INPP5D: variants seen among roughly 807,000 people sequenced by gnomAD.
INPP5D encodes phosphatidylinositol 3,4,5-trisphosphate 5-phosphatase 1.
Under a neutral mutation model 122.9 loss-of-function variants are expected in INPP5D, and 33 were observed. That is an observed-to-expected ratio of 0.27 (90% CI 0.20 to 0.36). INPP5D has a LOEUF of 0.36. Ranked by LOEUF, INPP5D falls within the 10% of genes least tolerant of loss-of-function variation. INPP5D has a pLI of 1.00. For missense variants in INPP5D, 1,053 were observed against 1,412.7 expected (o/e 0.75, Z 4.08); for synonymous variants, 584 against 576.2 (o/e 1.01, Z -0.19).
Position 233,163,735 on chromosome 2 carries a change from G to A in INPP5D, c.1269G>A (p.Thr423=), listed in dbSNP as rs377021577. ...ACGCCCCCCCTCCCAAGAAGATCAC[G>A]TCCTGGTTTCTCTCCAAGGGGCAGG... The part of the protein sequence containing the change: ...MGNAPPPKKI[T]SWFLSKGQGK... The change falls in exon 12 of 27, where the codon ACG becomes ACA. Residue 423 remains threonine, a synonymous_variant. Transcript: ENST00000445964. The A allele has an allele frequency of 4.3e-6, 7 of 1,613,794 alleles. No homozygotes were observed. Among genetic ancestry groups the A allele is most frequent in the African/African-American group, 1.3e-5 (1 of 74,952 alleles).
At chr2:233,116,225 G>GTAGATAGATAGA (rs1553575234) in intron 2 of INPP5D, among the ~76,000 whole-genome samples, 6,613 of 133,540 alleles carry the variant, frequency 0.05, 249 homozygotes, top group African/African-American at 0.087. Flanking sequence ...AGATATATAT[G>GTAGATAGATAGA]TAGATAGATA....
intron 17 of INPP5D, among the ~76,000 whole-genome samples, chr2:233,173,014 G>T (rs995879951): frequency 1.4e-4 from 21 of 152,194 alleles, no homozygotes; most frequent in African/African-American, 4.8e-4. Flanking sequence ...TTCAAGGCCA[G>T]CCTGGCCAAC....
At position 233,146,353 on chromosome 2, in the gene INPP5D, G is replaced by A. The variant is rs971008688; in HGVS notation, c.835-14G>A. 81 of 704,238 alleles carry A rather than the reference G, an allele frequency of 1.2e-4. 2 individuals carry two copies. In the Admixed American group the frequency reaches 1.3e-3, roughly 11 times the overall value. 43.6% of individuals were successfully genotyped at this position (704,238 alleles called of 1,614,324 possible). ...GTCCCCTTGACCCTCTGTCTCTAAC[G>A]CTGCTGCCCACAGGTCAAGGCCTTG... On this transcript the variant is annotated splice_polypyrimidine_tract_variant and intron_variant, in intron 7 of 26. Coordinates refer to ENST00000445964, the MANE Select transcript of INPP5D (RefSeq NM_001017915.3).
intron 9 of INPP5D, among the ~76,000 whole-genome samples, chr2:233,149,282 G>A (rs1693860616): frequency 6.6e-6 from 1 of 151,884 alleles, no homozygotes; most frequent in African/African-American, 2.4e-5. Context: ...TTTATTTTTA[G>A]TAAAGACAGG....
At position 233,128,764 on chromosome 2, in the gene INPP5D, C is replaced by T. The variant is rs1448888994; in HGVS notation, c.525-1744C>T. Among the ~76,000 whole-genome samples, 1 of 152,230 alleles carries T rather than the reference C, an allele frequency of 6.6e-6. No individual in the cohort carries two copies. Among genetic ancestry groups the T allele is most frequent in the Non-Finnish European group, 1.5e-5 (1 of 68,050 alleles). ...AAGTGCTGGGATTATAGGCGTGACC[C>T]ACCATGCCTGGCAATTCCTGTCCAA... On this transcript the variant is annotated intron_variant, in intron 4 of 26. Coordinates refer to ENST00000445964, the MANE Select transcript of INPP5D (RefSeq NM_001017915.3). This position sits in a 1 kb window ranked among gnomAD's most constrained non-coding sequence, Gnocchi z 4.5.
intron 25 of INPP5D, among the ~76,000 whole-genome samples, chr2:233,203,708 A>T (rs1436360640): frequency 3.3e-5 from 5 of 152,314 alleles, no homozygotes; most frequent in Admixed American, 2.6e-4. Flanking sequence ...CCTGGGCAAT[A>T]TAGTGAGACT....
intron 9 of INPP5D, among the ~76,000 whole-genome samples, chr2:233,157,903 T>G (rs1056828335): frequency 4.6e-5 from 7 of 152,160 alleles, no homozygotes; most frequent in African/African-American, 1.7e-4. Flanking sequence ...CTCTTTTAAT[T>G]GTTGATGACA....
intron 1 of INPP5D, among the ~76,000 whole-genome samples, chr2:233,073,929 C>A (rs544821450): frequency 1.3e-5 from 2 of 152,232 alleles, no homozygotes; most frequent in African/African-American, 4.8e-5. Flanking sequence ...ACAATCAATC[C>A]CTCCAATTTC....
chr2:233,126,003 T>A, intron 4 of INPP5D, 84 bp downstream of exon 4: 1 of 1,341,332 alleles, frequency 7.5e-7, no homozygotes, highest in Non-Finnish European at 1.0e-6. Flanking sequence ...GTTTCGATCC[T>A]AGTTATGGGC....
chr2:233,112,667 A>G (rs780205033), intron 2 of INPP5D, among the ~76,000 whole-genome samples: 1 of 152,044 alleles, frequency 6.6e-6, no homozygotes, highest in Non-Finnish European at 1.5e-5. Context: ...ACCTGTATTT[A>G]TCTATATATC....
rs932470743 is a variant in INPP5D at position 233,139,820 on chromosome 2, T to G, written c.666-22T>G. On this transcript the variant is annotated intron_variant, in intron 5 of 26. Transcript: ENST00000445964. ...TCCGGTGCCCACTAATCCTTGATGT[T>G]CACCTTGTCCCCTGCCCCCAGAGAA... is the stretch of plus-strand genomic sequence containing the variant. The G allele has an allele frequency of 6.6e-4, 262 of 398,718 alleles. 2 individuals are homozygous for G. Among genetic ancestry groups the G allele is most frequent in the Admixed American group, 4.8e-3 (110 of 22,744 alleles). The allele number at this position is 398,718 out of a possible 1,614,324, so 24.7% of individuals were successfully genotyped here.
At chr2:233,146,562 C>A in intron 8 of INPP5D, 124 bp downstream of exon 8, 1 of 676,326 alleles carries the variant, frequency 1.5e-6, no homozygotes, top group South Asian at 1.5e-5. Context: ...AGCGCATTAG[C>A]CAAGAATGGC....
chr2:233,190,047 T>G, intron 22 of INPP5D, 110 bp downstream of exon 22: 1 of 1,487,294 alleles, frequency 6.7e-7, no homozygotes, highest in East Asian at 2.4e-5. Flanking sequence ...CTCCTGCCTC[T>G]CCTTTCCTCA....
Position 233,206,664 on chromosome 2 carries a change from G to T in INPP5D, c.3568-42G>T. The T allele has an allele frequency of 3.9e-6, 3 of 766,424 alleles. No homozygotes were observed. In the South Asian group the frequency reaches 4.2e-5, roughly 11 times the overall value. 47.5% of individuals were successfully genotyped at this position (766,424 alleles called of 1,614,324 possible). Reference sequence around the variant, plus strand: ...GGGCCACTTAGTTCAACATGGCCTGGTGAGAATGAGCCCTGACAGCCCTTC... The same window carrying T: ...GGGCCACTTAGTTCAACATGGCCTGTTGAGAATGAGCCCTGACAGCCCTTC... On this transcript the variant is annotated intron_variant, in intron 26 of 26. Coordinates refer to ENST00000445964, the MANE Select transcript of INPP5D (RefSeq NM_001017915.3). The surrounding 1 kb of genome is among the most constrained non-coding windows in gnomAD (Gnocchi z 4.0).
chr2:233,143,572 G>A (rs1231122903), intron 6 of INPP5D, among the ~76,000 whole-genome samples: 1 of 152,194 alleles, frequency 6.6e-6, no homozygotes, highest in African/African-American at 2.4e-5. Context: ...TCCCTTCCCT[G>A]AGTCTTAGCA....
intron 1 of INPP5D, among the ~76,000 whole-genome samples, chr2:233,061,865 G>C (rs1691085027): frequency 6.6e-6 from 1 of 152,250 alleles, no homozygotes; most frequent in South Asian, 2.1e-4. Flanking sequence ...TAGCCTTGCA[G>C]GGCTGGAGAA....
At chr2:233,139,776 G>A in intron 5 of INPP5D, 66 bp from the exon 6 acceptor site, 1 of 397,372 alleles carries the variant, frequency 2.5e-6, no homozygotes, top group Middle Eastern at 6.4e-4. Flanking sequence ...TAGAGCCCGT[G>A]CTGCCATGGA....
chr2:233,106,883 A>T (rs1377628142), intron 2 of INPP5D, among the ~76,000 whole-genome samples: 2 of 152,338 alleles, frequency 1.3e-5, no homozygotes, highest in East Asian at 3.9e-4. Flanking sequence ...TCCTGGTGAC[A>T]TTAACAGAGA....
Position 233,122,145 on chromosome 2 carries a change from G to A in INPP5D, c.237G>A (p.Leu79=), listed in dbSNP as rs1272623010. The change falls in exon 3 of 27, where the codon CTG becomes CTA. Residue 79 remains leucine (L), a synonymous_variant. Coordinates refer to ENST00000445964, the MANE Select transcript of INPP5D (RefSeq NM_001017915.3). ...TCTCCATGAGGTTCTTCACCAAGCT[G>A]GACCAGCTCATCGAGTTTTACAAGA... ...EGVSMRFFTK[L]DQLIEFYKKE... is the part of the protein sequence containing the mutation. 3.7e-6 allele frequency: 6 copies of A among 1,613,872 alleles called. No homozygotes were observed. The South Asian group carries it at 5.5e-5, about 15-fold the overall frequency.
Sources: gnomAD v4.1 joint callset for allele counts (sites outside exome capture counted in the v4.1 genomes callset) on GRCh38, gnomAD v4.1.1 for gene constraint, Gnocchi (gnomAD v3.1) non-coding constraint, MANE v1.5 for transcripts, NCBI Gene and HGNC (gene_info 2026-07-23, HGNC 2026-07-21) for gene names.